The following NUTF2 variants were observed in gnomAD, a reference collection of about 807,000 sequenced individuals.
NUTF2 encodes the protein nuclear transport factor 2, also known as placental protein 15.
Under a neutral mutation model 18.5 loss-of-function variants are expected in NUTF2, and 3 were observed. The ratio of observed to expected loss-of-function variants is 0.16; its 90% confidence interval spans 0.07 to 0.42. The LOEUF (loss-of-function observed/expected upper bound fraction) is 0.42, where lower values mean the gene tolerates loss of function less well. Ranked by LOEUF, NUTF2 falls within the 10% of genes least tolerant of loss-of-function variation. The pLI is 0.99. For synonymous variants in NUTF2, 51 were observed against 57.9 expected (o/e 0.88, Z 0.54); for missense variants, 44 against 160.7 (o/e 0.27, Z 3.93).
At chr16:67,853,067 TCTCA>T (rs2151294939) in intron 1 of NUTF2, among the ~76,000 whole-genome samples, 1 of 152,174 alleles carries the variant, frequency 6.6e-6, no homozygotes, top group African/African-American at 2.4e-5. Flanking sequence ...TGAGATAAGG[TCTCA>T]CTCTTTTACC....
At chr16:67,849,663 T>C (rs1007605230) in intron 1 of NUTF2, among the ~76,000 whole-genome samples, 1 of 149,702 alleles carries the variant, frequency 6.7e-6, no homozygotes, top group Admixed American at 6.7e-5. Context: ...TATTTTTATC[T>C]ATTTATTTAT....
At chr16:67,851,116 C>T (rs140808922) in intron 1 of NUTF2, among the ~76,000 whole-genome samples, 13 of 152,146 alleles carry the variant, frequency 8.5e-5, no homozygotes, top group African/African-American at 3.1e-4. Flanking sequence ...CATCTCTTCT[C>T]TCTGAGCCAT....
In NUTF2 at chr16:67,870,788, C is replaced by T; in HGVS notation, c.271-12C>T. 6.2e-7 allele frequency: 1 copy of T among 1,600,096 alleles called. No homozygotes were observed. The highest frequency in any genetic ancestry group is 2.2e-5 in the East Asian group (1 of 44,820). On this transcript the variant is annotated splice_polypyrimidine_tract_variant and intron_variant, in intron 4 of 4. Transcript: ENST00000219169. ...TGATCCCCTTACTGAATCCTCTTTT[C>T]TCTCCTCATAGGCGGATGAAGACCC...
intron 1 of NUTF2, among the ~76,000 whole-genome samples, chr16:67,860,049 C>T (rs1289662969): frequency 6.6e-6 from 1 of 151,530 alleles, no homozygotes; most frequent in African/African-American, 2.4e-5. Context: ...GTGCAATCTC[C>T]ACTCACTGCA....
At chr16:67,864,281 C>T (rs974963651) in intron 1 of NUTF2, among the ~76,000 whole-genome samples, 2 of 152,094 alleles carry the variant, frequency 1.3e-5, no homozygotes, top group African/African-American at 4.8e-5. Context: ...GAGGCCAAGG[C>T]GGGTGGATCA....
At chr16:67,852,351 CTTT>C (rs75813171) in intron 1 of NUTF2, among the ~76,000 whole-genome samples, 6 of 140,582 alleles carry the variant, frequency 4.3e-5, no homozygotes, top group Admixed American at 7.2e-5. Flanking sequence ...ATCTTTTTTT[CTTT>C]TTTTTTTTTT....
Position 67,868,388 on chromosome 16 carries a change from G to T in NUTF2, c.148G>T (p.Ala50Ser). ...TWEGQQFQGKAAIVEKLSSLP... is the reference protein window; with the variant it reads ...TWEGQQFQGKSAIVEKLSSLP... Reference sequence around the variant, plus strand: ...GGAAGGACAACAGTTCCAGGGGAAAGCTGCCATTGTGGAGAAGTTGTCTGT... The same window carrying T: ...GGAAGGACAACAGTTCCAGGGGAAATCTGCCATTGTGGAGAAGTTGTCTGT... Residue 50 changes from alanine to serine, a missense_variant, in exon 3 of 5, where the codon GCT (alanine) becomes TCT (serine). Transcript: ENST00000219169. 1 of 1,614,178 alleles carries T rather than the reference G, an allele frequency of 6.2e-7. No homozygotes were observed. The highest frequency in any genetic ancestry group is 8.5e-7 in the Non-Finnish European group (1 of 1,180,028).
At position 67,872,007 on chromosome 16, in the gene NUTF2, G is replaced by A. The variant is rs1236059708; in HGVS notation, c.*1094G>A. The A allele has an allele frequency of 6.6e-6, 1 of 152,284 alleles. No individual in the cohort carries two copies. Among genetic ancestry groups the A allele is most frequent in the Admixed American group, 6.5e-5 (1 of 15,280 alleles). The allele number at this position is 152,284 out of a possible 1,614,324, so 9.4% of individuals were successfully genotyped here. A position where few individuals can be genotyped will look rare whatever the true frequency, so the allele number is the denominator to read the frequency against. ...CTCAGACTGCTGCAGGACATTGCCA[G>A]GCCTCTCTCCACTTCCTTCCTCAGC... On this transcript the variant is annotated 3_prime_UTR_variant, in exon 5 of 5. Transcript: ENST00000219169.
chr16:67,851,652 C>T (rs2151294356), intron 1 of NUTF2, among the ~76,000 whole-genome samples: 1 of 152,076 alleles, frequency 6.6e-6, no homozygotes, highest in East Asian at 1.9e-4. Context: ...TGCTATCCCT[C>T]CCCGCTACCC....
chr16:67,853,961 T>G (rs906166069), intron 1 of NUTF2, among the ~76,000 whole-genome samples: 1 of 152,170 alleles, frequency 6.6e-6, no homozygotes, highest in Admixed American at 6.6e-5. Flanking sequence ...GTGCATGGCC[T>G]TCTTTTTGAG....
Position 67,865,286 on chromosome 16 carries a change from G to C in NUTF2, c.99+57G>C. The C allele has an allele frequency of 2.4e-6, 3 of 1,251,088 alleles. No homozygotes were observed. In the South Asian group the frequency reaches 3.7e-5, roughly 15 times the overall value. 77.5% of individuals were successfully genotyped at this position (1,251,088 alleles called of 1,614,324 possible). A position where few individuals can be genotyped will look rare whatever the true frequency, so the allele number is the denominator to read the frequency against. The stretch of plus-strand genomic sequence containing the variant: ...CCTAGGGGATCAATTTGGATGTTGG[G>C]CCAGTGTGTCCAGTTCACAAGTTCT... On this transcript the variant is annotated intron_variant, in intron 2 of 4. Transcript: ENST00000219169.
chr16:67,847,980 T>G (rs2151292326), intron 1 of NUTF2, among the ~76,000 whole-genome samples: 1 of 152,294 alleles, frequency 6.6e-6, no homozygotes, highest in East Asian at 1.9e-4. Flanking sequence ...GAACTAGGGC[T>G]GGAAGCTCCA....
intron 1 of NUTF2, among the ~76,000 whole-genome samples, chr16:67,848,782 T>C (rs2057829489): frequency 6.6e-6 from 1 of 150,380 alleles, no homozygotes; most frequent in Non-Finnish European, 1.5e-5. Context: ...CAGCAGCAGC[T>C]CAATCTCTGC....
intron 2 of NUTF2, among the ~76,000 whole-genome samples, chr16:67,866,184 A>G (rs1254958460): frequency 6.6e-6 from 1 of 152,198 alleles, no homozygotes; most frequent in Non-Finnish European, 1.5e-5. Context: ...GACTCTCCAC[A>G]GTCTTCTGTG....
At chr16:67,850,838 T>C (rs146450236) in intron 1 of NUTF2, among the ~76,000 whole-genome samples, 8,052 of 152,018 alleles carry the variant, frequency 0.053, 652 homozygotes, top group African/African-American at 0.18. Context: ...CCTCGCTCTG[T>C]TGCCCAGGCT....
intron 1 of NUTF2, among the ~76,000 whole-genome samples, chr16:67,856,645 A>G (rs1038759287): frequency 4.0e-5 from 6 of 151,872 alleles, no homozygotes; most frequent in Admixed American, 2.0e-4. Flanking sequence ...AGTAGCTGGG[A>G]TTACAGGCGC....
At chr16:67,853,981 C>A (rs1010073894) in intron 1 of NUTF2, among the ~76,000 whole-genome samples, 2 of 152,120 alleles carry the variant, frequency 1.3e-5, no homozygotes, top group African/African-American at 4.8e-5. Flanking sequence ...GATGGAGTTT[C>A]GCTCTGTCAC....
intron 1 of NUTF2, chr16:67,847,830 G>A (rs2057818182): frequency 6.6e-6 from 1 of 152,342 alleles, no homozygotes; most frequent in Admixed American, 6.5e-5. Flanking sequence ...GTTAAGGTGG[G>A]ACTTAATGCA....
At chr16:67,854,902 A>G (rs1277827734) in intron 1 of NUTF2, among the ~76,000 whole-genome samples, 1 of 152,146 alleles carries the variant, frequency 6.6e-6, no homozygotes, top group African/African-American at 2.4e-5. Context: ...AGATCGCGCC[A>G]CTGCACTCCA....
Sources: allele counts gnomAD v4.1 joint callset (sites outside exome capture counted in the v4.1 genomes callset), GRCh38; gene constraint gnomAD v4.1.1; transcripts MANE v1.5; gene names NCBI Gene and HGNC (gene_info 2026-07-23, HGNC 2026-07-21).